Variants in GAS2 observed in about 807,000 individuals in gnomAD.
GAS2 encodes growth arrest specific 2.
A neutral mutation model predicts 37.5 loss-of-function variants in GAS2; 20 were observed. That is an observed-to-expected ratio of 0.53 (90% CI 0.37 to 0.77). The LOEUF is 0.77. GAS2 is among the 30% of genes least tolerant of loss of function. GAS2 has a pLI of 0.00. For synonymous variants in GAS2, 144 were observed against 132.2 expected, an observed-to-expected ratio of 1.09 and a Z score of -0.61; for missense variants, 336 against 373.4, an observed-to-expected ratio of 0.90 and a Z score of 0.82.
chr11:22,697,773 G>A (rs907746563), intron 3 of GAS2, among the ~76,000 whole-genome samples: 1 of 152,152 alleles, frequency 6.6e-6, no homozygotes, highest in Non-Finnish European at 1.5e-5. Flanking sequence ...AAGAATGCTT[G>A]TGATTTTTGT....
chr11:22,648,932 G>T (rs1223466636), intron 1 of GAS2, among the ~76,000 whole-genome samples: 2 of 151,778 alleles, frequency 1.3e-5, no homozygotes, highest in Non-Finnish European at 2.9e-5. Flanking sequence ...TAATTGCCCT[G>T]GCCAGAACTT....
chr11:22,667,460 T>C (rs1042845201), intron 1 of GAS2, among the ~76,000 whole-genome samples: 7 of 152,088 alleles, frequency 4.6e-5, no homozygotes, highest in African/African-American at 1.7e-4. Flanking sequence ...TCTGATGAGT[T>C]TGATGAAATT....
intron 4 of GAS2, among the ~76,000 whole-genome samples, chr11:22,728,605 T>TA (rs1387277865): frequency 6.6e-6 from 1 of 151,622 alleles, no homozygotes; most frequent in Non-Finnish European, 1.5e-5. Flanking sequence ...AAATCTTTTG[T>TA]AAACTTCTCA....
chr11:22,678,631 A>G (rs75128254), intron 2 of GAS2, among the ~76,000 whole-genome samples: 2,304 of 152,092 alleles, frequency 0.015, 62 homozygotes, highest in African/African-American at 0.053. Context: ...CTTGTCTAAA[A>G]TGTAATTTTT....
At chr11:22,637,146 A>ATAT (rs1424996822) in intron 1 of GAS2, among the ~76,000 whole-genome samples, 1 of 119,102 alleles carries the variant, frequency 8.4e-6, no homozygotes, top group East Asian at 2.5e-4. Flanking sequence ...TTATATCAAT[A>ATAT]TATTACTTAT....
intron 1 of GAS2, among the ~76,000 whole-genome samples, chr11:22,635,072 T>C (rs1858803386): frequency 1.3e-5 from 2 of 151,960 alleles, no homozygotes; most frequent in Admixed American, 1.3e-4. Context: ...TGCAAAAGAG[T>C]GTCAGCTGCA....
rs773161883 is a variant in GAS2 at position 22,811,767 on chromosome 11, A to G, written c.724-31A>G. ...TCAAGGTACTGTAAGAATTCTCGGA[A>G]TTTAACACTTTTGATATTTTTTCAT... On this transcript the variant is annotated intron_variant, in intron 7 of 7. Transcript: ENST00000454584. 5 of 1,599,612 alleles carry G rather than the reference A, an allele frequency of 3.1e-6. No individual in the cohort carries two copies. The South Asian group carries it at 5.5e-5, about 18-fold the overall frequency.
chr11:22,648,116 G>T (rs1848725894), intron 1 of GAS2, among the ~76,000 whole-genome samples: 1 of 152,176 alleles, frequency 6.6e-6, no homozygotes, highest in South Asian at 2.1e-4. Flanking sequence ...TGTAAGGAAG[G>T]AATCCAGTTT....
chr11:22,706,678 G>A (rs1441287526), intron 3 of GAS2, among the ~76,000 whole-genome samples: 1 of 152,040 alleles, frequency 6.6e-6, no homozygotes, highest in East Asian at 1.9e-4. Flanking sequence ...CATTTTTTAT[G>A]GCTGCATAGT....
At chr11:22,720,534 A>T (rs781448584) in intron 3 of GAS2, among the ~76,000 whole-genome samples, 3 of 152,040 alleles carry the variant, frequency 2.0e-5, no homozygotes, top group Non-Finnish European at 4.4e-5. Flanking sequence ...ATTGAAAGAG[A>T]TTATTTTTTC....
chr11:22,701,284 A>G (rs116137121), intron 3 of GAS2, among the ~76,000 whole-genome samples: 1,558 of 152,312 alleles, frequency 0.01, 29 homozygotes, highest in African/African-American at 0.036. Context: ...CAAATATTTT[A>G]TAATAATTGA....
intron 3 of GAS2, among the ~76,000 whole-genome samples, chr11:22,720,805 T>C (rs1851912215): frequency 6.6e-6 from 1 of 152,050 alleles, no homozygotes; most frequent in Admixed American, 6.6e-5. Context: ...TTATTTAAAC[T>C]ACCAGTATTA....
rs1564899589 is a variant in GAS2 at position 22,811,922 on chromosome 11, C to T, written c.848C>T (p.Pro283Leu). ...TCCCGTGTGGATGGCAAAACATCCC[C>T]TATCCAAAGCAAATCTCCAACTCTA... ...QISRVDGKTSPIQSKSPTLKD... is the reference protein window; with the variant it reads ...QISRVDGKTSLIQSKSPTLKD... Residue 283 changes from proline (P) to leucine (L), a missense_variant, in exon 8 of 8, where the codon CCT becomes CTT. By Grantham distance (98) the Pro-to-Leu change is moderately conservative. Transcript: ENST00000454584. 3.1e-6 allele frequency: 5 copies of T among 1,614,122 alleles called. No homozygotes were observed. The highest frequency in any genetic ancestry group is 1.1e-5 in the South Asian group (1 of 91,084).
chr11:22,692,032 C>T (rs1454731729), intron 3 of GAS2, among the ~76,000 whole-genome samples: 1 of 151,872 alleles, frequency 6.6e-6, no homozygotes, highest in Non-Finnish European at 1.5e-5. Flanking sequence ...AATCGGGCTT[C>T]AATGCCATAG....
chr11:22,757,375 A>G (rs1028228859), intron 7 of GAS2, among the ~76,000 whole-genome samples: 1 of 152,140 alleles, frequency 6.6e-6, no homozygotes, highest in Non-Finnish European at 1.5e-5. Flanking sequence ...GATTAAATCT[A>G]TTCATGCATT....
intron 5 of GAS2, among the ~76,000 whole-genome samples, chr11:22,747,360 C>A (rs1225764195): frequency 1.3e-5 from 2 of 152,016 alleles, no homozygotes; most frequent in Non-Finnish European, 2.9e-5. Context: ...TAAACTGGTA[C>A]CTATGTACAA....
chr11:22,655,376 A>T (rs1419036214), intron 1 of GAS2, among the ~76,000 whole-genome samples: 1 of 152,006 alleles, frequency 6.6e-6, no homozygotes, highest in Non-Finnish European at 1.5e-5. Context: ...ATTCTGTCTA[A>T]CTCATCTTGT....
intron 4 of GAS2, among the ~76,000 whole-genome samples, chr11:22,733,892 G>A (rs1336147302): frequency 6.6e-6 from 1 of 151,742 alleles, no homozygotes; most frequent in Non-Finnish European, 1.5e-5. Context: ...GAAAGCTACA[G>A]CAATCCTCTC....
At chr11:22,753,588 T>C (rs969137351) in intron 6 of GAS2, among the ~76,000 whole-genome samples, 1 of 152,108 alleles carries the variant, frequency 6.6e-6, no homozygotes, top group East Asian at 1.9e-4. Context: ...GTGCCAAGCA[T>C]GATCCTCCTA....
Sources: gnomAD v4.1 joint callset for allele counts (sites outside exome capture counted in the v4.1 genomes callset) on GRCh38, gnomAD v4.1.1 for gene constraint, MANE v1.5 for transcripts, NCBI Gene and HGNC (gene_info 2026-07-23, HGNC 2026-07-21) for gene names.